Variants in WSCD1 observed in about 807,000 individuals in gnomAD.
WSCD1 encodes the protein sialate:O-sulfotransferase 1.
A neutral mutation model predicts 60.4 loss-of-function variants in WSCD1; 41 were observed. The observed-to-expected ratio is 0.68, with a 90% CI of 0.53 to 0.88. WSCD1 has a LOEUF of 0.88. Ranked by LOEUF, WSCD1 falls within the 40% of genes least tolerant of loss-of-function variation. WSCD1 has a pLI of 0.00. For missense variants in WSCD1, 784 were observed against 796.2 expected (o/e 0.98, Z 0.18); for synonymous variants, 361 against 332.5 (o/e 1.09, Z -0.93).
At chr17:6,085,569 T>G (rs1289733989) in intron 2 of WSCD1, among the ~76,000 whole-genome samples, 1 of 152,146 alleles carries the variant, frequency 6.6e-6, no homozygotes, top group East Asian at 1.9e-4. Flanking sequence ...CCAAAGGCTG[T>G]CTCCATCCAC....
At position 6,123,764 on chromosome 17, in the gene WSCD1, C is replaced by T. The variant is rs1024053405; in HGVS notation, c.*3103C>T. The T allele has an allele frequency of 1.3e-5, 2 of 152,168 alleles. No homozygotes were observed. Among genetic ancestry groups the T allele is most frequent in the Non-Finnish European group, 2.9e-5 (2 of 68,042 alleles). 9.4% of individuals were successfully genotyped at this position (152,168 alleles called of 1,614,324 possible). A position where few individuals can be genotyped will look rare whatever the true frequency, so the allele number is the denominator to read the frequency against. ...ATTCGTCTGACTTCCTATTTATCAC[C>T]ACTCAATATTGGGTGAGTTGGTCTG... On this transcript the variant is annotated 3_prime_UTR_variant, in exon 9 of 9. Coordinates refer to ENST00000317744, the MANE Select transcript of WSCD1 (RefSeq NM_015253.2).
intron 4 of WSCD1, among the ~76,000 whole-genome samples, chr17:6,091,841 A>C (rs1056393787): frequency 6.6e-6 from 1 of 152,144 alleles, no homozygotes; most frequent in African/African-American, 2.4e-5. Flanking sequence ...TAGTTCAAGA[A>C]TGGGGCAGAG....
At chr17:6,108,764 C>T (rs1911243086) in intron 5 of WSCD1, among the ~76,000 whole-genome samples, 1 of 152,234 alleles carries the variant, frequency 6.6e-6, no homozygotes, top group Non-Finnish European at 1.5e-5. Flanking sequence ...CTTCAGGATG[C>T]CAGCTCTCTT....
chr17:6,090,210 CAAA>C (rs66998605), intron 3 of WSCD1, 108 bp from the exon 4 acceptor site: 52 of 1,166,250 alleles, frequency 4.5e-5, no homozygotes, highest in Non-Finnish European at 5.5e-5. Context: ...AAACAAAAAA[CAAA>C]AAAAAAACAT....
intron 7 of WSCD1, among the ~76,000 whole-genome samples, chr17:6,112,145 C>T (rs529114178): frequency 3.3e-5 from 5 of 152,046 alleles, no homozygotes; most frequent in African/African-American, 1.2e-4. Context: ...AATAAGCAAC[C>T]TAATGACGTA....
intron 5 of WSCD1, among the ~76,000 whole-genome samples, chr17:6,098,160 G>GT (rs1910570584): frequency 6.7e-6 from 1 of 149,926 alleles, no homozygotes; most frequent in South Asian, 2.1e-4. Context: ...GCGGGGTGGG[G>GT]GGGGTCTCAC....
chr17:6,090,984 C>T lies in WSCD1; in HGVS notation c.727+479C>T, dbSNP rs1002232131. Among the ~76,000 whole-genome samples the T allele has an allele frequency of 8.5e-5, 13 of 152,118 alleles. No individual in the cohort carries two copies. The South Asian group carries it at 1.9e-3, about 22-fold the overall frequency. On this transcript the variant is annotated intron_variant, in intron 4 of 8. Transcript: ENST00000317744. The stretch of plus-strand genomic sequence containing the variant: ...CGGCTCACTGCAACCCCCACCTCTC[C>T]GGTTCAAACAATTCTCCTGCCTCAG...
intron 6 of WSCD1, 45 bp downstream of exon 6, chr17:6,109,811 G>A (rs762139821): frequency 6.3e-7 from 1 of 1,590,776 alleles, no homozygotes; most frequent in Non-Finnish European, 8.6e-7. Context: ...GGTCTGGGGG[G>A]TGGGGAGAGC....
At chr17:6,097,580 G>A (rs1032736296) in intron 5 of WSCD1, among the ~76,000 whole-genome samples, 8 of 152,328 alleles carry the variant, frequency 5.3e-5, no homozygotes, top group South Asian at 2.1e-4. Context: ...ACCATTGCAC[G>A]GAGGTCCTAT....
chr17:6,109,240 C>T (rs1911267360), intron 5 of WSCD1, among the ~76,000 whole-genome samples: 1 of 152,168 alleles, frequency 6.6e-6, no homozygotes, highest in Admixed American at 6.5e-5. Flanking sequence ...CTATCTCTGG[C>T]ACTCCTGACA....
At chr17:6,073,702 T>G (rs1049091409) in intron 1 of WSCD1, among the ~76,000 whole-genome samples, 1 of 152,194 alleles carries the variant, frequency 6.6e-6, no homozygotes, top group African/African-American at 2.4e-5. Flanking sequence ...GTTTCAAAAG[T>G]GAGAAAGGCT....
rs909494396 is a variant in WSCD1, at chr17:6,070,625, G to C, written c.-316G>C. 1.3e-5 allele frequency: 2 copies of C among 149,784 alleles called. No homozygotes were observed. The highest frequency in any genetic ancestry group is 3.0e-5 in the Non-Finnish European group (2 of 67,358). 9.3% of individuals were successfully genotyped at this position (149,784 alleles called of 1,614,324 possible). Reference sequence around the variant, plus strand: ...GAAGGCGGGCCATGGGCGCGGGTGCGGGCGCCCCAGCCGGCCGCGATCGCG... The same window carrying C: ...GAAGGCGGGCCATGGGCGCGGGTGCCGGCGCCCCAGCCGGCCGCGATCGCG... On this transcript the variant is annotated 5_prime_UTR_variant, in exon 1 of 9. Transcript: ENST00000317744.
chr17:6,124,400 G>A lies in WSCD1; in HGVS notation c.*3739G>A, dbSNP rs1185574062. The A allele has an allele frequency of 6.6e-6, 1 of 152,176 alleles. No homozygotes were observed. Among genetic ancestry groups the A allele is most frequent in the Non-Finnish European group, 1.5e-5 (1 of 68,024 alleles). The allele number at this position is 152,176 out of a possible 1,614,324, so 9.4% of individuals were successfully genotyped here. A position where few individuals can be genotyped will look rare whatever the true frequency, so the allele number is the denominator to read the frequency against. ...TACCTCTGGACTTTTTTTGTTATAT[G>A]AGCTAATAAATTCTGTTTATTGTTT... On this transcript the variant is annotated 3_prime_UTR_variant, in exon 9 of 9. Coordinates refer to ENST00000317744, the MANE Select transcript of WSCD1 (RefSeq NM_015253.2).
chr17:6,110,076 G>A lies in WSCD1; in HGVS notation c.1009+310G>A, dbSNP rs1037202087. Among the ~76,000 whole-genome samples the A allele has an allele frequency of 1.1e-4, 16 of 152,304 alleles. No homozygotes were observed. Among genetic ancestry groups the A allele is most frequent in the Non-Finnish European group, 2.1e-4 (14 of 68,030 alleles). The stretch of plus-strand genomic sequence containing the variant: ...CTAGAGAGATAGCAACAGAAAGGTG[G>A]TAGGATTGGGAGGCGTGGGAAGAAT... On this transcript the variant is annotated intron_variant, in intron 6 of 8. Coordinates refer to ENST00000317744, the MANE Select transcript of WSCD1 (RefSeq NM_015253.2). This position sits in a 1 kb window ranked among gnomAD's most constrained non-coding sequence, Gnocchi z 4.8.
chr17:6,110,342 A>G lies in WSCD1; in HGVS notation c.1010-429A>G, dbSNP rs1378587827. On this transcript the variant is annotated intron_variant, in intron 6 of 8. Coordinates refer to ENST00000317744, the MANE Select transcript of WSCD1 (RefSeq NM_015253.2). The surrounding 1 kb of genome is among the most constrained non-coding windows in gnomAD (Gnocchi z 4.8). ...CAGCCCTGGGGATGAGACATAACGAATGACTTGCCTGTCATTAGTCCAGCT... is the reference window on the plus strand; with the variant it reads ...CAGCCCTGGGGATGAGACATAACGAGTGACTTGCCTGTCATTAGTCCAGCT... Among the ~76,000 whole-genome samples the G allele has an allele frequency of 1.3e-5, 2 of 152,174 alleles. No individual in the cohort carries two copies.
intron 1 of WSCD1, among the ~76,000 whole-genome samples, chr17:6,077,533 C>T (rs899021160): frequency 1.3e-5 from 2 of 152,150 alleles, no homozygotes; most frequent in African/African-American, 4.8e-5. Flanking sequence ...GTTGTGTCCA[C>T]ACCAGCACCC....
chr17:6,084,685 C>A (rs988610773), intron 2 of WSCD1: 4 of 152,230 alleles, frequency 2.6e-5, no homozygotes, highest in African/African-American at 9.6e-5. Flanking sequence ...ATTCCAATAT[C>A]TTCAAAGCCG....
chr17:6,095,623 G>A (rs531170982), intron 5 of WSCD1, among the ~76,000 whole-genome samples: 1 of 152,366 alleles, frequency 6.6e-6, no homozygotes, highest in African/African-American at 2.4e-5. Context: ...TGATGACAGG[G>A]GCTGGAGCCA....
intron 2 of WSCD1, among the ~76,000 whole-genome samples, chr17:6,086,950 T>G (rs189894647): frequency 2.6e-5 from 4 of 152,314 alleles, no homozygotes; most frequent in Admixed American, 1.3e-4. Flanking sequence ...ACAGCCTAAT[T>G]TCTCTGGAGG....
Sources: allele counts gnomAD v4.1 joint callset (sites outside exome capture counted in the v4.1 genomes callset), GRCh38; gene constraint gnomAD v4.1.1; non-coding constraint Gnocchi (gnomAD v3.1); transcripts MANE v1.5; gene names NCBI Gene and HGNC (gene_info 2026-07-23, HGNC 2026-07-21).